SF3A3: variants seen among roughly 807,000 people sequenced by gnomAD.
SF3A3 encodes the protein SAP 61.
In SF3A3, 9 loss-of-function variants were observed where a neutral mutation model predicts 85.8. That is an observed-to-expected ratio of 0.10 (90% CI 0.06 to 0.18). The LOEUF (loss-of-function observed/expected upper bound fraction) is 0.18, where lower values mean the gene tolerates loss of function less well. Among genes scored for constraint, SF3A3 ranks in the 10% least tolerant of loss-of-function variants. The pLI, the probability that SF3A3 is intolerant of heterozygous loss-of-function variation, is 1.00. For missense variants in SF3A3, 306 were observed against 593.3 expected, an observed-to-expected ratio of 0.52 and a Z score of 5.03; for synonymous variants, 195 against 204.4, an observed-to-expected ratio of 0.95 and a Z score of 0.39.
intron 8 of SF3A3, among the ~76,000 whole-genome samples, chr1:37,980,045 T>C (rs1049966216): frequency 6.6e-6 from 1 of 152,096 alleles, no homozygotes; most frequent in Non-Finnish European, 1.5e-5. Flanking sequence ...AGGAACCACA[T>C]AGCAGTAATG....
chr1:37,975,253 G>A (rs1025967357), intron 12 of SF3A3, among the ~76,000 whole-genome samples: 1 of 152,104 alleles, frequency 6.6e-6, no homozygotes, highest in Non-Finnish European at 1.5e-5. Flanking sequence ...TGGAGAGGCC[G>A]TCGAGTGGCT....
intron 6 of SF3A3, among the ~76,000 whole-genome samples, chr1:37,983,404 C>A (rs1284427696): frequency 6.6e-6 from 1 of 150,444 alleles, no homozygotes; most frequent in Non-Finnish European, 1.5e-5. Flanking sequence ...GGCAACATGG[C>A]AAAACCCCAT....
chr1:37,961,759 C>CAAAAAAAAA lies in SF3A3; in HGVS notation c.1373-1593_1373-1585dup, dbSNP rs10699691. On this transcript the variant is annotated intron_variant, in intron 15 of 16. Transcript: ENST00000373019. ...AGCCTGGGTGACAAAGCAAGACTGCCAAAAAAAAAAAAAAAAAAAAAAAAG... is the reference window on the plus strand; with the variant it reads ...AGCCTGGGTGACAAAGCAAGACTGCCAAAAAAAAAAAAAAAAAAAAAAAAAAAAAAAAAG... 6.8e-3 allele frequency among the ~76,000 whole-genome samples: 257 copies of CAAAAAAAAA among 37,750 alleles called. 25 individuals carry two copies. Among genetic ancestry groups the CAAAAAAAAA allele is most frequent in the East Asian group, 0.027 (21 of 774 alleles). The allele number at this position is 37,750 out of a possible 152,430, so 24.8% of individuals were successfully genotyped here. A position where few individuals can be genotyped will look rare whatever the true frequency, so the allele number is the denominator to read the frequency against.
At chr1:37,970,276 G>T (rs1646328983) in intron 12 of SF3A3, among the ~76,000 whole-genome samples, 2 of 147,990 alleles carry the variant, frequency 1.4e-5, no homozygotes, top group African/African-American at 5.1e-5. Context: ...CTGCACTCCA[G>T]CCTGGGCGAC....
chr1:37,975,417 G>A (rs561350001), intron 12 of SF3A3, among the ~76,000 whole-genome samples: 1 of 152,206 alleles, frequency 6.6e-6, no homozygotes, highest in Admixed American at 6.5e-5. Flanking sequence ...CAGGGAGGCT[G>A]AGGCACAGGA....
intron 10 of SF3A3, 71 bp from the exon 11 acceptor site, chr1:37,978,898 G>C: frequency 6.5e-7 from 1 of 1,550,386 alleles, no homozygotes; most frequent in Non-Finnish European, 8.9e-7. Flanking sequence ...TTGCAGTGTG[G>C]AGCAACAAAA....
intron 4 of SF3A3, 119 bp from the exon 5 acceptor site, chr1:37,984,898 C>T (rs1191385146): frequency 3.6e-5 from 28 of 768,258 alleles, no homozygotes; most frequent in Non-Finnish European, 5.6e-5. Flanking sequence ...ACCTCTACCT[C>T]CCGGGTTCAA....
At chr1:37,965,413 C>A (rs1460801977) in intron 15 of SF3A3, among the ~76,000 whole-genome samples, 1 of 152,052 alleles carries the variant, frequency 6.6e-6, no homozygotes, top group Non-Finnish European at 1.5e-5. Context: ...AGCGCAGTCC[C>A]ACTGAAGAGA....
chr1:37,969,846 C>A, intron 12 of SF3A3, 111 bp from the exon 13 acceptor site: 1 of 1,189,552 alleles, frequency 8.4e-7, no homozygotes, highest in Non-Finnish European at 1.2e-6. Flanking sequence ...GGATAAGGTT[C>A]TTTCTTACAG....
Position 37,984,709 on chromosome 1 carries a change from T to G in SF3A3, c.374A>C (p.Gln125Pro). Residue 125 changes from glutamine (Q) to proline (P), a missense_variant and splice_region_variant, in exon 5 of 17, where the codon CAA becomes CCA. Gln to Pro is a moderately conservative substitution (Grantham distance 76). Transcript: ENST00000373019. ...ATGAAATTTTCACCCCTACTTACTTTGTGCCTCTTCACTTGGATTCTCTCG... is the reference window on the plus strand; with the variant it reads ...ATGAAATTTTCACCCCTACTTACTTGGTGCCTCTTCACTTGGATTCTCTCG... ...KARENPSEEA[Q>P]NLVEFTDEEG... The G allele has an allele frequency of 6.2e-7, 1 of 1,611,328 alleles. No homozygotes were observed. The highest frequency in any genetic ancestry group is 2.2e-5 in the East Asian group (1 of 44,860).
At chr1:37,989,523 G>A in intron 2 of SF3A3, 25 bp downstream of exon 2, 2 of 1,611,254 alleles carry the variant, frequency 1.2e-6, no homozygotes, top group Non-Finnish European at 1.7e-6. Context: ...CCAACCCAAA[G>A]AGAGGCAGAC....
intron 12 of SF3A3, among the ~76,000 whole-genome samples, chr1:37,974,239 A>T (rs560829845): frequency 4.0e-5 from 6 of 150,360 alleles, no homozygotes; most frequent in East Asian, 1.9e-4. Context: ...AAAAAAAATT[A>T]AAAAAAAAAT....
intron 9 of SF3A3, 79 bp from the exon 10 acceptor site, chr1:37,979,134 G>T: frequency 8.7e-7 from 1 of 1,154,150 alleles, no homozygotes; most frequent in Non-Finnish European, 1.3e-6. Flanking sequence ...GAGGGTGGGT[G>T]TTCCTGAGGC....
chr1:37,962,255 A>C (rs1646265721), intron 15 of SF3A3, among the ~76,000 whole-genome samples: 1 of 143,920 alleles, frequency 6.9e-6, no homozygotes, highest in Non-Finnish European at 1.5e-5. Context: ...TCTAACCAAG[A>C]ATTCAGCCTG....
chr1:37,984,371 A>G (rs1022084035), intron 5 of SF3A3, 111 bp from the exon 6 acceptor site: 3 of 669,730 alleles, frequency 4.5e-6, no homozygotes, highest in Non-Finnish European at 8.0e-6. Context: ...CTTCACCCAA[A>G]TGTCTTCCCT....
chr1:37,965,599 C>G (rs943982366), intron 15 of SF3A3, among the ~76,000 whole-genome samples: 1 of 151,914 alleles, frequency 6.6e-6, no homozygotes, highest in Non-Finnish European at 1.5e-5. Flanking sequence ...ACAAAAAATA[C>G]AAAAATTAGC....
intron 6 of SF3A3, among the ~76,000 whole-genome samples, chr1:37,983,469 C>T (rs939729770): frequency 3.4e-5 from 5 of 148,346 alleles, no homozygotes; most frequent in Non-Finnish European, 4.4e-5. Context: ...CCTGTAGTCC[C>T]AAGTACTTGG....
At chr1:37,972,154 C>T (rs1186635520) in intron 12 of SF3A3, among the ~76,000 whole-genome samples, 1 of 152,202 alleles carries the variant, frequency 6.6e-6, no homozygotes, top group Non-Finnish European at 1.5e-5. Flanking sequence ...GCAACTTCAG[C>T]AAAGTCTCAG....
intron 12 of SF3A3, 109 bp from the exon 13 acceptor site, chr1:37,969,844 T>C (rs559423966): frequency 6.3e-5 from 76 of 1,215,888 alleles, no homozygotes; most frequent in Non-Finnish European, 8.1e-5. Context: ...AAGGATAAGG[T>C]TCTTTCTTAC....
Sources: gnomAD v4.1 joint callset for allele counts (sites outside exome capture counted in the v4.1 genomes callset) on GRCh38, gnomAD v4.1.1 for gene constraint, MANE v1.5 for transcripts, NCBI Gene and HGNC (gene_info 2026-07-23, HGNC 2026-07-21) for gene names.